The following HACL1 variants were observed in gnomAD, a reference collection of about 807,000 sequenced individuals.
The protein encoded by HACL1 is 1600020H07Rik.
HACL1 carries 64 observed loss-of-function variants against 74.2 expected under a neutral mutation model. That is an observed-to-expected ratio of 0.86 (90% CI 0.70 to 1.06). The LOEUF (loss-of-function observed/expected upper bound fraction) is 1.06, where lower values mean the gene tolerates loss of function less well. HACL1 is among the 50% of genes least tolerant of loss of function. The probability of loss-of-function intolerance (pLI) is 0.00; values close to 1 mark genes in which losing one functional copy is unlikely to be tolerated. For synonymous variants in HACL1, 230 were observed against 238.8 expected (o/e 0.96, Z 0.34); for missense variants, 728 against 719.7 (o/e 1.01, Z -0.13).
At chr3:15,566,895 TGC>T (rs2063444305) in intron 14 of HACL1, among the ~76,000 whole-genome samples, 1 of 147,118 alleles carries the variant, frequency 6.8e-6, no homozygotes. Context: ...CTTGGCTCAC[TGC>T]AAACTACACC....
At chr3:15,566,836 T>TTTC (rs2063442626) in intron 14 of HACL1, among the ~76,000 whole-genome samples, 1 of 135,376 alleles carries the variant, frequency 7.4e-6, no homozygotes. Context: ...TTTTTTTTTT[T>TTTC]GCGATGGAGT....
chr3:15,570,128 A>G (rs999184186), intron 12 of HACL1, among the ~76,000 whole-genome samples: 1 of 152,154 alleles, frequency 6.6e-6, no homozygotes, highest in Admixed American at 6.5e-5. Context: ...CGAGGTCAAG[A>G]GATCAAGACC....
intron 3 of HACL1, among the ~76,000 whole-genome samples, chr3:15,595,287 G>A (rs2064035649): frequency 6.6e-6 from 1 of 152,116 alleles, no homozygotes. Context: ...AGAAAACAGT[G>A]ACAATAGTGT....
intron 13 of HACL1, 93 bp downstream of exon 13, chr3:15,568,339 A>T: frequency 1.2e-6 from 1 of 804,078 alleles, no homozygotes; most frequent in Non-Finnish European, 2.0e-6. Context: ...AACATGTATT[A>T]ATTCTCAAAC....
chr3:15,591,277 CT>C (rs148001970), intron 4 of HACL1, among the ~76,000 whole-genome samples: 2,342 of 152,032 alleles, frequency 0.015, 47 homozygotes, highest in African/African-American at 0.039. Flanking sequence ...GAAATAGTCA[CT>C]TTTTTTGGTA....
Position 15,560,820 on chromosome 3 carries a change from C to T in HACL1, c.*45G>A. 1 of 1,387,370 alleles carries T rather than the reference C, an allele frequency of 7.2e-7. No individual in the cohort carries two copies. Among genetic ancestry groups the T allele is most frequent in the Non-Finnish European group, 1.0e-6 (1 of 984,874 alleles). 85.9% of individuals were successfully genotyped at this position (1,387,370 alleles called of 1,614,324 possible). A position where few individuals can be genotyped will look rare whatever the true frequency, so the allele number is the denominator to read the frequency against. On this transcript the variant is annotated 3_prime_UTR_variant, in exon 17 of 17. Transcript: ENST00000321169. ...TTTGCTGTGGAAAATAAAATTTCATCTTGCAAGAAAGAGAAAACTCAAGAC... is the reference window on the plus strand; with the variant it reads ...TTTGCTGTGGAAAATAAAATTTCATTTTGCAAGAAAGAGAAAACTCAAGAC...
chr3:15,593,411 G>T (rs960308022), intron 3 of HACL1, among the ~76,000 whole-genome samples: 4 of 151,852 alleles, frequency 2.6e-5, no homozygotes, highest in Non-Finnish European at 4.4e-5. Flanking sequence ...TAGAGATGGG[G>T]TTTCACCATG....
intron 9 of HACL1, among the ~76,000 whole-genome samples, chr3:15,577,402 A>C (rs2063645825): frequency 1.3e-5 from 2 of 152,082 alleles, no homozygotes; most frequent in South Asian, 4.1e-4. Context: ...TGACAGTAAT[A>C]AACTACAGAA....
intron 6 of HACL1, among the ~76,000 whole-genome samples, chr3:15,585,628 G>A (rs2063781876): frequency 1.3e-5 from 2 of 152,184 alleles, no homozygotes. Flanking sequence ...TGCCTGCCAA[G>A]TTTTTGCACT....
intron 2 of HACL1, chr3:15,600,820 G>C (rs1024510631): frequency 5.7e-5 from 31 of 548,394 alleles, no homozygotes; most frequent in Middle Eastern, 9.7e-4. Flanking sequence ...CAGTATAGTA[G>C]TAAGAGAATG....
At chr3:15,579,428 A>G (rs1027184527) in intron 9 of HACL1, among the ~76,000 whole-genome samples, 2 of 152,228 alleles carry the variant, frequency 1.3e-5, no homozygotes, top group African/African-American at 4.8e-5. Context: ...ATATAAAATA[A>G]AAGGATTAAA....
intron 16 of HACL1, among the ~76,000 whole-genome samples, chr3:15,562,085 G>T (rs981277872): frequency 1.3e-5 from 2 of 152,170 alleles, no homozygotes; most frequent in African/African-American, 2.4e-5. Flanking sequence ...CCAGTCACTG[G>T]AAAGTATAAA....
At chr3:15,581,787 T>C (rs893419647) in intron 8 of HACL1, among the ~76,000 whole-genome samples, 1 of 152,214 alleles carries the variant, frequency 6.6e-6, no homozygotes, top group Admixed American at 6.5e-5. Context: ...CCCTCCCCAA[T>C]AGGTAGGAAC....
intron 4 of HACL1, among the ~76,000 whole-genome samples, chr3:15,590,763 T>C (rs2063876954): frequency 6.6e-6 from 1 of 152,182 alleles, no homozygotes; most frequent in South Asian, 2.1e-4. Context: ...TACACACACA[T>C]ATTAGGAACT....
At chr3:15,592,079 CGT>C (rs2063918205) in intron 3 of HACL1, among the ~76,000 whole-genome samples, 1 of 81,136 alleles carries the variant, frequency 1.2e-5, no homozygotes, top group African/African-American at 4.7e-5. Context: ...TATACGTATA[CGT>C]ATATATACAC....
rs779474577 is a variant in HACL1, at chr3:15,571,785, A to C, written c.994-16T>G. On this transcript the variant is annotated splice_polypyrimidine_tract_variant and intron_variant, in intron 11 of 16. Coordinates refer to ENST00000321169, the MANE Select transcript of HACL1 (RefSeq NM_012260.4). ...CCTCTAAAAGCTTAAAAAAAAAAAA[A>C]CACACACACACAAACACATAAACTT... 7.1e-6 allele frequency: 6 copies of C among 843,604 alleles called. No homozygotes were observed. The highest frequency in any genetic ancestry group is 2.9e-5 in the South Asian group (2 of 68,002). The allele number at this position is 843,604 out of a possible 1,614,324, so 52.3% of individuals were successfully genotyped here.
rs906325728 is a variant in HACL1 at position 15,587,424 on chromosome 3, T to C, written c.382-822A>G. ...TAGTATGAAATCTATGAAAAGCTGATAGTCCCACAGGCATGACAAAATTAA... is the reference window on the plus strand; with the variant it reads ...TAGTATGAAATCTATGAAAAGCTGACAGTCCCACAGGCATGACAAAATTAA... On this transcript the variant is annotated intron_variant, in intron 5 of 16. Transcript: ENST00000321169. Among the ~76,000 whole-genome samples the C allele has an allele frequency of 9.0e-5, 13 of 144,238 alleles. 1 individual carries two copies. Among genetic ancestry groups the C allele is most frequent in the African/African-American group, 3.4e-4 (13 of 38,508 alleles). 94.6% of individuals were successfully genotyped at this position (144,238 alleles called of 152,430 possible).
intron 6 of HACL1, among the ~76,000 whole-genome samples, chr3:15,585,548 A>C (rs2063780387): frequency 6.6e-6 from 1 of 151,882 alleles, no homozygotes; most frequent in Non-Finnish European, 1.5e-5. Flanking sequence ...AGAGATAAGA[A>C]AGTATTCATT....
At chr3:15,572,567 G>A (rs1439264370) in intron 11 of HACL1, among the ~76,000 whole-genome samples, 1 of 152,204 alleles carries the variant, frequency 6.6e-6, no homozygotes, top group African/African-American at 2.4e-5. Context: ...ATGCTCCAGA[G>A]TGATTTAATA....
Sources: allele counts gnomAD v4.1 joint callset (sites outside exome capture counted in the v4.1 genomes callset), GRCh38; gene constraint gnomAD v4.1.1; transcripts MANE v1.5; gene names NCBI Gene and HGNC (gene_info 2026-07-23, HGNC 2026-07-21).